The following RGS6 variants were observed in gnomAD, a reference collection of about 807,000 sequenced individuals.
The protein encoded by RGS6 is regulator of G protein signaling 6.
Under a neutral mutation model 78.5 loss-of-function variants are expected in RGS6, and 30 were observed. That is an observed-to-expected ratio of 0.38 (90% CI 0.29 to 0.52). The LOEUF (loss-of-function observed/expected upper bound fraction) is 0.52, where lower values mean the gene tolerates loss of function less well. Ranked by LOEUF, RGS6 falls within the 20% of genes least tolerant of loss-of-function variation. RGS6 has a pLI of 0.85. For synonymous variants in RGS6, 206 were observed against 206.0 expected (o/e 1.00, Z 0.00); for missense variants, 495 against 609.7 (o/e 0.81, Z 1.98).
intron 3 of RGS6, among the ~76,000 whole-genome samples, chr14:72,392,858 C>A (rs1335197763): frequency 1.3e-5 from 2 of 152,254 alleles, no homozygotes; most frequent in Non-Finnish European, 2.9e-5. Context: ...CTCTCCACCC[C>A]ACACACAAGT....
intron 1 of RGS6, among the ~76,000 whole-genome samples, chr14:71,937,684 G>A (rs2089719690): frequency 6.6e-6 from 1 of 152,224 alleles, no homozygotes. Context: ...AGACAATGCT[G>A]CATGGAATAC....
chr14:72,467,400 C>T (rs1440486466), intron 7 of RGS6, among the ~76,000 whole-genome samples: 1 of 152,140 alleles, frequency 6.6e-6, no homozygotes, highest in Non-Finnish European at 1.5e-5. Flanking sequence ...GCCCTTCCTG[C>T]TTTTACTGCC....
chr14:72,183,364 G>A (rs1454340634), intron 2 of RGS6, among the ~76,000 whole-genome samples: 1 of 152,128 alleles, frequency 6.6e-6, no homozygotes, highest in African/African-American at 2.4e-5. Flanking sequence ...GTAGATCCAA[G>A]ACCCAGTGTA....
intron 2 of RGS6, among the ~76,000 whole-genome samples, chr14:72,271,994 C>T (rs890094867): frequency 1.3e-5 from 2 of 150,484 alleles, no homozygotes; most frequent in East Asian, 3.9e-4. Flanking sequence ...CTGGGATAAT[C>T]GAGGATAATC....
At chr14:71,938,880 G>A (rs376100967) in intron 1 of RGS6, among the ~76,000 whole-genome samples, 3 of 152,190 alleles carry the variant, frequency 2.0e-5, no homozygotes, top group African/African-American at 7.2e-5. Context: ...ACCTGCAGAA[G>A]ATGACAGGGC....
chr14:72,281,825 T>C (rs1274255868), intron 2 of RGS6, among the ~76,000 whole-genome samples: 1 of 152,150 alleles, frequency 6.6e-6, no homozygotes, highest in Admixed American at 6.5e-5. Context: ...GGTTAATTCA[T>C]GCATCTGGAA....
At chr14:72,576,681 G>A in the RGS6 span, among the ~76,000 whole-genome samples, 1 of 152,148 alleles carries the variant, frequency 6.6e-6, no homozygotes, top group Non-Finnish European at 1.5e-5. Flanking sequence ...AGACAGATTT[G>A]GGGAGCTAAA....
chr14:72,595,499 A>G, the RGS6 span, among the ~76,000 whole-genome samples: 22 of 151,916 alleles, frequency 1.4e-4, no homozygotes, highest in Non-Finnish European at 2.6e-4. Flanking sequence ...GCTTAGCCCC[A>G]GGAATACAAT....
At chr14:72,517,876 G>A (rs1235322923) in intron 14 of RGS6, among the ~76,000 whole-genome samples, 6 of 152,206 alleles carry the variant, frequency 3.9e-5, no homozygotes, top group African/African-American at 9.6e-5. Flanking sequence ...GTAGCACTGG[G>A]GTTCTCAACC....
chr14:72,626,572 C>T, the RGS6 span, among the ~76,000 whole-genome samples: 1 of 152,116 alleles, frequency 6.6e-6, no homozygotes, highest in Non-Finnish European at 1.5e-5. Context: ...GTTTATTCAA[C>T]AACTACTCTT....
chr14:72,421,855 CTG>C (rs2094198879), intron 3 of RGS6: 1 of 152,332 alleles, frequency 6.6e-6, no homozygotes, highest in African/African-American at 2.4e-5. Context: ...GCAAGAAAGA[CTG>C]GGCTCCCGTT....
chr14:71,944,444 G>A (rs781043458), intron 1 of RGS6, among the ~76,000 whole-genome samples: 1 of 152,122 alleles, frequency 6.6e-6, no homozygotes, highest in South Asian at 2.1e-4. Context: ...AGCACAAGGT[G>A]GGGAATAAAC....
At chr14:72,382,573 T>C (rs1427495676) in intron 3 of RGS6, among the ~76,000 whole-genome samples, 2 of 152,178 alleles carry the variant, frequency 1.3e-5, no homozygotes, top group African/African-American at 2.4e-5. Context: ...ATTTATGACT[T>C]GGCATCTCCA....
intron 3 of RGS6, among the ~76,000 whole-genome samples, chr14:72,446,887 C>T (rs1223420395): frequency 1.3e-5 from 2 of 152,116 alleles, no homozygotes; most frequent in African/African-American, 4.8e-5. Context: ...GGAGGCAGAG[C>T]TCAGGCAGTA....
chr14:72,397,225 T>G (rs1000222989), intron 3 of RGS6, among the ~76,000 whole-genome samples: 3 of 152,318 alleles, frequency 2.0e-5, no homozygotes, highest in African/African-American at 7.2e-5. Flanking sequence ...TTTATTTCAT[T>G]TAGTAGTGGT....
Position 72,017,882 on chromosome 14 carries a change from G to A in RGS6, c.84+53007G>A, listed in dbSNP as rs768575966. On this transcript the variant is annotated intron_variant, in intron 2 of 17. Coordinates refer to ENST00000553525, the MANE Select transcript of RGS6 (RefSeq NM_001204424.2). ...GGTTTGCTGCACACATCATCCTATCGCCTAGGTATTATGCCCAGCATCCAT... is the reference window on the plus strand; with the variant it reads ...GGTTTGCTGCACACATCATCCTATCACCTAGGTATTATGCCCAGCATCCAT... Among the ~76,000 whole-genome samples, 19 of 151,828 alleles carry A rather than the reference G, an allele frequency of 1.3e-4. 1 individual carries two copies. Among genetic ancestry groups the A allele is most frequent in the Non-Finnish European group, 2.5e-4 (17 of 67,980 alleles).
Position 72,309,614 on chromosome 14 carries a change from C to T in RGS6, c.85-42481C>T, listed in dbSNP as rs1018213630. Among the ~76,000 whole-genome samples, 4 of 152,210 alleles carry T rather than the reference C, an allele frequency of 2.6e-5. No homozygotes were observed. The South Asian group carries it at 6.2e-4, about 24-fold the overall frequency. ...GATACTGTGAACTTTGGGTTGCTTA[C>T]TTGATAAATATAGTTTTATTATTAA... On this transcript the variant is annotated intron_variant, in intron 2 of 17. Transcript: ENST00000553525.
intron 2 of RGS6, among the ~76,000 whole-genome samples, chr14:72,349,415 G>A (rs1596110832): frequency 6.6e-6 from 1 of 152,208 alleles, no homozygotes; most frequent in East Asian, 1.9e-4. Flanking sequence ...TAACACCCCA[G>A]TAGCCAGGCA....
chr14:72,136,492 C>T (rs942985318), intron 2 of RGS6, among the ~76,000 whole-genome samples: 14 of 152,196 alleles, frequency 9.2e-5, no homozygotes, highest in African/African-American at 2.9e-4. Flanking sequence ...GCAAAAGTCA[C>T]GTCTTATATG....
Sources: gnomAD v4.1 joint callset for allele counts (sites outside exome capture counted in the v4.1 genomes callset) on GRCh38, gnomAD v4.1.1 for gene constraint, MANE v1.5 for transcripts, NCBI Gene and HGNC (gene_info 2026-07-23, HGNC 2026-07-21) for gene names.